Variants in CRABP2 observed in about 807,000 individuals in gnomAD.
CRABP2 encodes the protein cellular retinoic acid-binding protein 2.
CRABP2 carries 20 observed loss-of-function variants against 17.9 expected under a neutral mutation model. That is an observed-to-expected ratio of 1.12 (90% CI 0.79 to 1.63). CRABP2 has a LOEUF of 1.63. Among genes scored for constraint, CRABP2 ranks in the 40% most tolerant of loss-of-function variants. The probability of loss-of-function intolerance (pLI) is 0.00; values close to 1 mark genes in which losing one functional copy is unlikely to be tolerated. For missense variants in CRABP2, 151 were observed against 168.6 expected, an observed-to-expected ratio of 0.90 and a Z score of 0.58; for synonymous variants, 76 against 66.4, an observed-to-expected ratio of 1.14 and a Z score of -0.70.
rs1648154156 is a variant in CRABP2 at position 156,705,088 on chromosome 1, T to C, written c.70+289A>G. Among the ~76,000 whole-genome samples, 1 of 152,246 alleles carries C rather than the reference T, an allele frequency of 6.6e-6. No homozygotes were observed. The highest frequency in any genetic ancestry group is 2.4e-5 in the African/African-American group (1 of 41,468). On this transcript the variant is annotated intron_variant, in intron 1 of 3. Coordinates refer to ENST00000368222, the MANE Select transcript of CRABP2 (RefSeq NM_001878.4). This position sits in a 1 kb window ranked among gnomAD's most constrained non-coding sequence, Gnocchi z 5.2. ...GCCTCGGCCCGCCGAGTCCGGCCGC[T>C]GAGGCCAGCCTCCCCTTCCCCCAGA...
chr1:156,705,256 C>CG lies in CRABP2; in HGVS notation c.70+120dup, dbSNP rs2102607025. The CG allele has an allele frequency of 7.3e-6, 8 of 1,102,452 alleles. No homozygotes were observed. The highest frequency in any genetic ancestry group is 9.6e-6 in the Non-Finnish European group (7 of 732,278). The allele number at this position is 1,102,452 out of a possible 1,614,324, so 68.3% of individuals were successfully genotyped here. On this transcript the variant is annotated intron_variant, in intron 1 of 3. Transcript: ENST00000368222. The surrounding 1 kb of genome is among the most constrained non-coding windows in gnomAD (Gnocchi z 5.2). ...GGACCCGGACGCCTGGCACGTTTTT[C>CG]GGGGATGCAGGCACCCAGTGTCTCA...
At chr1:156,701,890 G>C (rs1415195156) in intron 1 of CRABP2, among the ~76,000 whole-genome samples, 1 of 151,982 alleles carries the variant, frequency 6.6e-6, no homozygotes, top group Non-Finnish European at 1.5e-5. Context: ...TATAATCCCA[G>C]CACTTTACAA....
At chr1:156,700,755 C>T in intron 2 of CRABP2, 97 bp from the exon 3 acceptor site, 1 of 1,497,726 alleles carries the variant, frequency 6.7e-7, no homozygotes, top group South Asian at 1.2e-5. Flanking sequence ...CCCACCACCA[C>T]CTAGGGATTT....
In CRABP2 at chr1:156,699,978, T is replaced by C. The variant is rs771992674; in HGVS notation, c.*48A>G. Reference sequence around the variant, plus strand: ...CGGAGGGGGCAGTGAAGCAGGGCGGTGAGCATGGCCAGTGGTGGGCTTCGG... The same window carrying C: ...CGGAGGGGGCAGTGAAGCAGGGCGGCGAGCATGGCCAGTGGTGGGCTTCGG... On this transcript the variant is annotated 3_prime_UTR_variant, in exon 4 of 4. Transcript: ENST00000368222. 11 of 1,592,372 alleles carry C rather than the reference T, an allele frequency of 6.9e-6. No individual in the cohort carries two copies. The South Asian group carries it at 1.1e-4, about 16-fold the overall frequency.
intron 1 of CRABP2, among the ~76,000 whole-genome samples, chr1:156,704,831 G>T (rs757828415): frequency 8.5e-5 from 13 of 152,150 alleles, no homozygotes; most frequent in Non-Finnish European, 1.5e-4. Flanking sequence ...AAGTGCAGAG[G>T]GGGAGGAAAG....
At position 156,700,669 on chromosome 1, in the gene CRABP2, C is replaced by T. The variant is rs767108728; in HGVS notation, c.250-11G>A. ...CCATTTCACCAGGCTCTGCAAGAGA[C>T]AGGTGGCCAAGTGAGCTGGGCCCAT... On this transcript the variant is annotated splice_polypyrimidine_tract_variant and intron_variant, in intron 2 of 3. Transcript: ENST00000368222. 6.8e-6 allele frequency: 11 copies of T among 1,612,484 alleles called. No homozygotes were observed. The African/African-American group carries it at 1.3e-4, about 20-fold the overall frequency.
In CRABP2 at chr1:156,700,907, A is replaced by G; in HGVS notation, c.216T>C (p.Phe72=). 6.2e-7 allele frequency: 1 copy of G among 1,613,958 alleles called. No individual in the cohort carries two copies. The highest frequency in any genetic ancestry group is 8.5e-7 in the Non-Finnish European group (1 of 1,179,924). ...TEINFKVGEE[F]EEQTVDGRPC... ...GCCTCCCATCCACAGTCTGCTCCTC[A>G]AACTCCTCCCCAACCTTGAAGTTAA... Residue 72 remains phenylalanine (F), a synonymous_variant, in exon 2 of 4, where the codon TTT becomes TTC. Transcript: ENST00000368222.
chr1:156,704,312 C>T (rs772584617), intron 1 of CRABP2, among the ~76,000 whole-genome samples: 16 of 152,190 alleles, frequency 1.1e-4, no homozygotes, highest in Non-Finnish European at 2.1e-4. Context: ...TCCAGACTCA[C>T]TCCTATAGTC....
chr1:156,703,234 C>A (rs1571481754), intron 1 of CRABP2, among the ~76,000 whole-genome samples: 2 of 152,204 alleles, frequency 1.3e-5, no homozygotes, highest in Non-Finnish European at 2.9e-5. Context: ...CAGGACCCCC[C>A]ACTCCCCTCA....
Position 156,705,342 on chromosome 1 carries a change from C to A in CRABP2, c.70+35G>T. ...CAACTTCGAGGACTCCAGAGCCCCCCCTTGCCCCACCTGGGCCCTCGAACA... is the reference window on the plus strand; with the variant it reads ...CAACTTCGAGGACTCCAGAGCCCCCACTTGCCCCACCTGGGCCCTCGAACA... On this transcript the variant is annotated intron_variant, in intron 1 of 3. Coordinates refer to ENST00000368222, the MANE Select transcript of CRABP2 (RefSeq NM_001878.4). The surrounding 1 kb of genome is among the most constrained non-coding windows in gnomAD (Gnocchi z 5.2). 2 of 1,611,640 alleles carry A rather than the reference C, an allele frequency of 1.2e-6. No individual in the cohort carries two copies. The highest frequency in any genetic ancestry group is 4.5e-5 in the East Asian group (2 of 44,876).
chr1:156,705,284 C>T lies in CRABP2; in HGVS notation c.70+93G>A, dbSNP rs565545693. On this transcript the variant is annotated intron_variant, in intron 1 of 3. Transcript: ENST00000368222. This position sits in a 1 kb window ranked among gnomAD's most constrained non-coding sequence, Gnocchi z 5.2. ...GGATGCAGGCACCCAGTGTCTCACG[C>T]CCTGATTGTGGTCCCGCTGTCTTTC... 2 of 1,396,204 alleles carry T rather than the reference C, an allele frequency of 1.4e-6. No individual in the cohort carries two copies. The highest frequency in any genetic ancestry group is 2.8e-5 in the African/African-American group (2 of 70,638). 86.5% of individuals were successfully genotyped at this position (1,396,204 alleles called of 1,614,324 possible).
chr1:156,704,584 T>C (rs910236780), intron 1 of CRABP2, among the ~76,000 whole-genome samples: 1 of 152,148 alleles, frequency 6.6e-6, no homozygotes, highest in African/African-American at 2.4e-5. Flanking sequence ...GCAGTCTGGA[T>C]TGACTTAGTT....
intron 1 of CRABP2, among the ~76,000 whole-genome samples, chr1:156,701,647 G>A (rs1372494270): frequency 6.6e-6 from 1 of 152,192 alleles, no homozygotes; most frequent in Admixed American, 6.5e-5. Context: ...CCACAGCAAT[G>A]AAAGAGAGCA....
rs780325102 is a variant in CRABP2, at chr1:156,700,563, G to A, written c.345C>T (p.Thr115=). 16 of 1,613,788 alleles carry A rather than the reference G, an allele frequency of 9.9e-6. No individual in the cohort carries two copies. Among genetic ancestry groups the A allele is most frequent in the Middle Eastern group, 1.6e-4 (1 of 6,082 alleles). The change falls in exon 3 of 4, where the codon ACC becomes ACT. Residue 115 remains threonine (T), a synonymous_variant. Coordinates refer to ENST00000368222, the MANE Select transcript of CRABP2 (RefSeq NM_001878.4). ...GPKTSWTREL[T]NDGELILTMT... is the part of the protein sequence containing the mutation. ...TTACCAGGATCAGTTCCCCATCGTT[G>A]GTCAGTTCTCTGGTCCACGAGGTCT...
chr1:156,700,955 GGA>G lies in CRABP2; in HGVS notation c.166_167del (p.Ser56HisfsTer9), dbSNP rs778664516. 4.3e-6 allele frequency: 7 copies of G among 1,614,182 alleles called. No individual in the cohort carries two copies. The Admixed American group carries it at 1.2e-4, about 27-fold the overall frequency. ...QEGDTFYIKT[S>X]TTVRTTEINF... ...TAATCTCTGTGGTGCGCACGGTGGTGGAGGTTTTGATGTAGAAAGTGTCTCCC... is the reference window on the plus strand; with the variant it reads ...TAATCTCTGTGGTGCGCACGGTGGTGGGTTTTGATGTAGAAAGTGTCTCCC... On this transcript the variant is annotated frameshift_variant, in exon 2 of 4. Coordinates refer to ENST00000368222, the MANE Select transcript of CRABP2 (RefSeq NM_001878.4). LOFTEE classifies it high-confidence loss of function.
intron 1 of CRABP2, among the ~76,000 whole-genome samples, chr1:156,704,368 CCGAA>C (rs1558007887): frequency 6.6e-6 from 1 of 152,142 alleles, no homozygotes; most frequent in Non-Finnish European, 1.5e-5. Context: ...CCCAACCCAG[CCGAA>C]CTACCGTCTC....
At chr1:156,703,715 CTCT>C (rs1393318647) in intron 1 of CRABP2, among the ~76,000 whole-genome samples, 1 of 152,188 alleles carries the variant, frequency 6.6e-6, no homozygotes, top group African/African-American at 2.4e-5. Flanking sequence ...GGCTGCTGAA[CTCT>C]TGTGTCTAGG....
Position 156,699,938 on chromosome 1 carries a change from A to G in CRABP2, c.*88T>C. 1 of 1,396,432 alleles carries G rather than the reference A, an allele frequency of 7.2e-7. No homozygotes were observed. The highest frequency in any genetic ancestry group is 1.2e-5 in the South Asian group (1 of 80,940). 86.5% of individuals were successfully genotyped at this position (1,396,432 alleles called of 1,614,324 possible). A position where few individuals can be genotyped will look rare whatever the true frequency, so the allele number is the denominator to read the frequency against. On this transcript the variant is annotated 3_prime_UTR_variant, in exon 4 of 4. Coordinates refer to ENST00000368222, the MANE Select transcript of CRABP2 (RefSeq NM_001878.4). Reference sequence around the variant, plus strand: ...TGGGGTAAGGGGAGCGCTATCCTAGAAGGAGGGGGTGGGACGGAGGGGGCA... The same window carrying G: ...TGGGGTAAGGGGAGCGCTATCCTAGGAGGAGGGGGTGGGACGGAGGGGGCA...
Position 156,700,124 on chromosome 1 carries a change from G to A in CRABP2, c.367-48C>T, listed in dbSNP as rs775421495. On this transcript the variant is annotated intron_variant, in intron 3 of 3. Transcript: ENST00000368222. ...TAGCCTGAGAGGCCCCTGGGGTCCT[G>A]TGGCTTTGGAGAGGAGGGTTGAATG... 5.6e-6 allele frequency: 9 copies of A among 1,593,926 alleles called. No homozygotes were observed. In the South Asian group the frequency reaches 9.0e-5, roughly 16 times the overall value.
Sources: allele counts gnomAD v4.1 joint callset (sites outside exome capture counted in the v4.1 genomes callset), GRCh38; gene constraint gnomAD v4.1.1; non-coding constraint Gnocchi (gnomAD v3.1); transcripts MANE v1.5; gene names NCBI Gene and HGNC (gene_info 2026-07-23, HGNC 2026-07-21).